ARHGEF28: variants seen among roughly 807,000 people sequenced by gnomAD.
The protein encoded by ARHGEF28 is 190 kDa guanine nucleotide exchange factor.
In ARHGEF28, 152 loss-of-function variants were observed where a neutral mutation model predicts 206.6. That is an observed-to-expected ratio of 0.74 (90% CI 0.64 to 0.84). ARHGEF28 has a LOEUF of 0.84. Ranked by LOEUF, ARHGEF28 falls within the 40% of genes least tolerant of loss-of-function variation. ARHGEF28 has a pLI of 0.00. For missense variants in ARHGEF28, 2,028 were observed against 2,073.2 expected, an observed-to-expected ratio of 0.98 and a Z score of 0.42; for synonymous variants, 763 against 776.4, an observed-to-expected ratio of 0.98 and a Z score of 0.29.
chr5:73,691,263 T>C (rs1418985118), intron 2 of ARHGEF28, among the ~76,000 whole-genome samples: 1 of 151,188 alleles, frequency 6.6e-6, no homozygotes, highest in African/African-American at 2.4e-5. Flanking sequence ...TATTAGTATT[T>C]TGGTAAACAC....
chr5:73,720,343 G>T (rs1749865602), intron 2 of ARHGEF28, among the ~76,000 whole-genome samples: 1 of 152,144 alleles, frequency 6.6e-6, no homozygotes, highest in Admixed American at 6.5e-5. Flanking sequence ...CTAAGGGACA[G>T]TTGAAAAAGA....
chr5:73,898,024 G>C lies in ARHGEF28; in HGVS notation c.3904G>C (p.Asp1302His). The part of the protein sequence containing the change: ...QMGAVSQSCE[D>H]SCGDSVLADT... ...GGGCGCCGTGAGTCAATCATGTGAG[G>C]ACAGTTGTGGAGACTCTGTCTTGGC... The change falls in exon 30 of 36, where the codon GAC (aspartate) becomes CAC (histidine). Residue 1302 changes from aspartate (D) to histidine (H), a missense_variant. Asp to His is a moderately conservative substitution (Grantham distance 81). Transcript: ENST00000513042. 6.2e-7 allele frequency: 1 copy of C among 1,608,922 alleles called. No individual in the cohort carries two copies. The highest frequency in any genetic ancestry group is 1.1e-5 in the South Asian group (1 of 89,560).
At chr5:73,875,906 C>G (rs1186616464) in intron 22 of ARHGEF28, among the ~76,000 whole-genome samples, 2 of 152,072 alleles carry the variant, frequency 1.3e-5, no homozygotes, top group Admixed American at 6.5e-5. Flanking sequence ...GATGCGGGCT[C>G]TTTTTTGGTT....
intron 4 of ARHGEF28, among the ~76,000 whole-genome samples, chr5:73,764,170 A>G (rs1752768180): frequency 6.6e-6 from 1 of 152,196 alleles, no homozygotes; most frequent in Non-Finnish European, 1.5e-5. Context: ...TTGAAACTTG[A>G]GAATTAAATG....
chr5:73,671,822 C>G lies in ARHGEF28; in HGVS notation c.-11-13019C>G, dbSNP rs1176048468. Among the ~76,000 whole-genome samples the G allele has an allele frequency of 5.6e-5, 3 of 53,300 alleles. 1 individual carries two copies. The highest frequency in any genetic ancestry group is 3.5e-4 in the Admixed American group (1 of 2,840). The allele number at this position is 53,300 out of a possible 152,430, so 35.0% of individuals were successfully genotyped here. On this transcript the variant is annotated intron_variant, in intron 1 of 35. Coordinates refer to ENST00000513042, the MANE Select transcript of ARHGEF28 (RefSeq NM_001177693.2). ...CCAGGCTGGAGTGCAGTGGCGCGAT[C>G]TCAGCTCACTGCAACCTCCGCCTCC...
At position 73,845,953 on chromosome 5, in the gene ARHGEF28, A is replaced by C. The variant is rs909743437; in HGVS notation, c.1428-315A>C. ...TAGTGAACCAAGATTGTGTCACTGC[A>C]CTCCAGCCTAGGCAACAAGAACAAA... On this transcript the variant is annotated intron_variant, in intron 11 of 35. Coordinates refer to ENST00000513042, the MANE Select transcript of ARHGEF28 (RefSeq NM_001177693.2). Among the ~76,000 whole-genome samples, 3 of 141,320 alleles carry C rather than the reference A, an allele frequency of 2.1e-5. No homozygotes were observed. The East Asian group carries it at 6.3e-4, about 30-fold the overall frequency. The allele number at this position is 141,320 out of a possible 152,430, so 92.7% of individuals were successfully genotyped here. A position where few individuals can be genotyped will look rare whatever the true frequency, so the allele number is the denominator to read the frequency against.
rs572375228 is a variant in ARHGEF28 at position 73,689,427 on chromosome 5, C to T, written c.33+4543C>T. On this transcript the variant is annotated intron_variant, in intron 2 of 35. Coordinates refer to ENST00000513042, the MANE Select transcript of ARHGEF28 (RefSeq NM_001177693.2). ...GCATGATCTTAGCTCACTGCACCCT[C>T]GACCACCTGGGCCCTAGCAAGCCTC... Among the ~76,000 whole-genome samples, 11 of 152,306 alleles carry T rather than the reference C, an allele frequency of 7.2e-5. No individual in the cohort carries two copies. The South Asian group carries it at 1.9e-3, about 26-fold the overall frequency.
At chr5:73,743,446 A>T (rs1284956084) in intron 2 of ARHGEF28, among the ~76,000 whole-genome samples, 1 of 152,104 alleles carries the variant, frequency 6.6e-6, no homozygotes, top group Non-Finnish European at 1.5e-5. Context: ...ATTTTATCCT[A>T]TCTGGAGATG....
rs747485825 is a variant in ARHGEF28, at chr5:73,887,694, G to A, written c.3387+15G>A. 30 of 1,530,394 alleles carry A rather than the reference G, an allele frequency of 2.0e-5. No homozygotes were observed. The highest frequency in any genetic ancestry group is 1.4e-4 in the South Asian group (11 of 78,274). 94.8% of individuals were successfully genotyped at this position (1,530,394 alleles called of 1,614,324 possible). On this transcript the variant is annotated intron_variant, in intron 26 of 35. Transcript: ENST00000513042. ...TTGCAGCCGTTGTAAGTATATGACT[G>A]TGTGATGTATTTAAAAAATAGGTTT... is the stretch of plus-strand genomic sequence containing the variant.
intron 9 of ARHGEF28, among the ~76,000 whole-genome samples, chr5:73,821,804 C>T (rs1319009853): frequency 6.6e-6 from 1 of 152,066 alleles, no homozygotes; most frequent in Non-Finnish European, 1.5e-5. Context: ...CCACACACCA[C>T]ACATGACTGA....
intron 9 of ARHGEF28, among the ~76,000 whole-genome samples, chr5:73,828,422 A>G (rs960845385): frequency 6.6e-6 from 1 of 152,204 alleles, no homozygotes; most frequent in Non-Finnish European, 1.5e-5. Context: ...GATTGCAGCA[A>G]GTGATTAAAT....
rs969607730 is a variant in ARHGEF28 at position 73,682,417 on chromosome 5, TC to T, written c.-11-2423del. ...TACTGTACTAAATATCACAATTCAT[TC>T]TTTTTTTTTTTTTTTTGAGATTGAG... On this transcript the variant is annotated intron_variant, in intron 1 of 35. Coordinates refer to ENST00000513042, the MANE Select transcript of ARHGEF28 (RefSeq NM_001177693.2). 2.8e-5 allele frequency among the ~76,000 whole-genome samples: 4 copies of T among 142,994 alleles called. 1 individual carries two copies. The highest frequency in any genetic ancestry group is 4.4e-4 in the South Asian group (2 of 4,546). The allele number at this position is 142,994 out of a possible 152,430, so 93.8% of individuals were successfully genotyped here.
intron 2 of ARHGEF28, among the ~76,000 whole-genome samples, chr5:73,734,017 A>G (rs995538931): frequency 6.6e-6 from 1 of 152,122 alleles, no homozygotes; most frequent in African/African-American, 2.4e-5. Context: ...CTATCACAAG[A>G]ACAGCACCAA....
At position 73,776,642 on chromosome 5, in the gene ARHGEF28, G is replaced by A. The variant is rs1306330519; in HGVS notation, c.786G>A (p.Glu262=). Residue 262 remains glutamate (E), a synonymous_variant, in exon 6 of 36, where the codon GAG becomes GAA. Coordinates refer to ENST00000513042, the MANE Select transcript of ARHGEF28 (RefSeq NM_001177693.2). ...ACCACACAGCCGAGCATTTGTTGGA[G>A]GCAGATATTAAACTCTTCCGGAAAT... ...TLNHTAEHLL[E]ADIKLFRKYF... 4 of 1,613,858 alleles carry A rather than the reference G, an allele frequency of 2.5e-6. No homozygotes were observed. The highest frequency in any genetic ancestry group is 3.4e-6 in the Non-Finnish European group (4 of 1,179,806).
intron 16 of ARHGEF28, among the ~76,000 whole-genome samples, chr5:73,864,163 C>G (rs1411456758): frequency 6.6e-6 from 1 of 152,178 alleles, no homozygotes; most frequent in Non-Finnish European, 1.5e-5. Context: ...GTGCAGCTTT[C>G]CATGAGGACA....
intron 2 of ARHGEF28, among the ~76,000 whole-genome samples, chr5:73,691,848 C>G (rs1463928361): frequency 6.6e-6 from 1 of 152,190 alleles, no homozygotes; most frequent in Non-Finnish European, 1.5e-5. Context: ...TCTTGGCAAT[C>G]ATGAACAATT....
intron 1 of ARHGEF28, among the ~76,000 whole-genome samples, chr5:73,666,646 A>G (rs917901636): frequency 2.0e-5 from 3 of 152,218 alleles, no homozygotes. Context: ...TGAGGTTCAT[A>G]AATTTGAAAT....
rs1479513915 is a variant in ARHGEF28 at position 73,875,360 on chromosome 5, T to G, written c.2814+2114T>G. On this transcript the variant is annotated intron_variant, in intron 22 of 35. Coordinates refer to ENST00000513042, the MANE Select transcript of ARHGEF28 (RefSeq NM_001177693.2). ...GTAGGTTGCAAAAATTTTCTCCCAT[T>G]TTGTAGGTTGCCTGTTCACTCTGAT... is the stretch of plus-strand genomic sequence containing the variant. 9.3e-5 allele frequency among the ~76,000 whole-genome samples: 14 copies of G among 150,860 alleles called. No homozygotes were observed. In the South Asian group the frequency reaches 2.5e-3, roughly 27 times the overall value.
At chr5:73,698,449 C>A (rs1471530700) in intron 2 of ARHGEF28, among the ~76,000 whole-genome samples, 1 of 152,164 alleles carries the variant, frequency 6.6e-6, no homozygotes, top group Non-Finnish European at 1.5e-5. Flanking sequence ...AAATTTGATC[C>A]ATTTTGAAAA....
Sources: gnomAD v4.1 joint callset for allele counts (sites outside exome capture counted in the v4.1 genomes callset) on GRCh38, gnomAD v4.1.1 for gene constraint, MANE v1.5 for transcripts, NCBI Gene and HGNC (gene_info 2026-07-23, HGNC 2026-07-21) for gene names.